ATXN1L: variants seen among roughly 807,000 people sequenced by gnomAD.
ATXN1L encodes the protein ataxin-1-like.
In ATXN1L, 8 loss-of-function variants were observed where a neutral mutation model predicts 43.4. The observed-to-expected ratio is 0.18, with a 90% CI of 0.11 to 0.33. The LOEUF (loss-of-function observed/expected upper bound fraction) is 0.33, where lower values mean the gene tolerates loss of function less well. ATXN1L is among the 10% of genes least tolerant of loss of function. The pLI is 1.00. For missense variants in ATXN1L, 856 were observed against 885.4 expected, an observed-to-expected ratio of 0.97 and a Z score of 0.42; for synonymous variants, 379 against 360.6, an observed-to-expected ratio of 1.05 and a Z score of -0.58.
chr16:71,846,724 C>CGA (rs1567388556), intron 1 of ATXN1L, among the ~76,000 whole-genome samples: 1 of 152,128 alleles, frequency 6.6e-6, no homozygotes, highest in African/African-American at 2.4e-5. Flanking sequence ...GTGAGGTTCT[C>CGA]GAGAGGCGGA....
At position 71,850,319 on chromosome 16, in the gene ATXN1L, C is replaced by T. The variant is rs1288000397; in HGVS notation, c.579C>T (p.Ser193=). The T allele has an allele frequency of 1.9e-6, 3 of 1,551,740 alleles. No homozygotes were observed. The South Asian group carries it at 3.6e-5, about 18-fold the overall frequency. Residue 193 remains serine (S), a synonymous_variant, in exon 3 of 3, where the codon TCC becomes TCT. Coordinates refer to ENST00000427980, the MANE Select transcript of ATXN1L (RefSeq NM_001137675.4). The part of the protein sequence containing the change: ...EGATPPPQAP[S]PAHSFNKAPS... ...CCACTCCTCCCCCACAGGCTCCCTCCCCGGCCCACTCATTTAACAAAGCTC... is the reference window on the plus strand; with the variant it reads ...CCACTCCTCCCCCACAGGCTCCCTCTCCGGCCCACTCATTTAACAAAGCTC...
At position 71,853,771 on chromosome 16, in the gene ATXN1L, C is replaced by G. The variant is rs1010337600; in HGVS notation, c.*1961C>G. On this transcript the variant is annotated 3_prime_UTR_variant, in exon 3 of 3. Transcript: ENST00000427980. ...TTTGCTACAAGCCCTACCCTCCACT[C>G]TTTCATTCCTTGAAAGCAGTTTGCC... is the stretch of plus-strand genomic sequence containing the variant. 1 of 167,122 alleles carries G rather than the reference C, an allele frequency of 6.0e-6. No individual in the cohort carries two copies. Among genetic ancestry groups the G allele is most frequent in the Admixed American group, 6.5e-5 (1 of 15,286 alleles). The allele number at this position is 167,122 out of a possible 1,614,324, so 10.4% of individuals were successfully genotyped here.
intron 2 of ATXN1L, among the ~76,000 whole-genome samples, chr16:71,848,799 T>C (rs2142320752): frequency 6.6e-6 from 1 of 152,170 alleles, no homozygotes; most frequent in South Asian, 2.1e-4. Context: ...AGGCTTGGGA[T>C]AGCAGTAGGT....
chr16:71,847,767 A>G (rs1294184233), intron 1 of ATXN1L, among the ~76,000 whole-genome samples: 1 of 152,142 alleles, frequency 6.6e-6, no homozygotes, highest in Non-Finnish European at 1.5e-5. Flanking sequence ...ACGGAAAACC[A>G]ATGAAATTTG....
rs763389131 is a variant in ATXN1L at position 71,851,168 on chromosome 16, G to C, written c.1428G>C (p.Gln476His). The change falls in exon 3 of 3, where the codon CAG (glutamine) becomes CAC (histidine). Residue 476 changes from glutamine to histidine, a missense_variant. Gln to His is a conservative substitution (Grantham distance 24, BLOSUM62 0). Transcript: ENST00000427980. This position sits in a 1 kb window ranked among gnomAD's most constrained non-coding sequence, Gnocchi z 4.9. ...ATTTCATGAAAGGCGCCATCATCCA[G>C]CTGGCTACGGGAGAGCTGAAGCGGG... ...PSHFMKGAII[Q>H]LATGELKRVE... 36 of 1,551,540 alleles carry C rather than the reference G, an allele frequency of 2.3e-5. No individual in the cohort carries two copies. The highest frequency in any genetic ancestry group is 3.1e-5 in the Non-Finnish European group (36 of 1,146,998).
rs1049294122 is a variant in ATXN1L at position 71,855,433 on chromosome 16, C to T, written c.*3623C>T. 11 of 167,168 alleles carry T rather than the reference C, an allele frequency of 6.6e-5. No individual in the cohort carries two copies. The highest frequency in any genetic ancestry group is 1.9e-4 in the African/African-American group (8 of 41,474). 10.4% of individuals were successfully genotyped at this position (167,168 alleles called of 1,614,324 possible). A position where few individuals can be genotyped will look rare whatever the true frequency, so the allele number is the denominator to read the frequency against. On this transcript the variant is annotated 3_prime_UTR_variant, in exon 3 of 3. Coordinates refer to ENST00000427980, the MANE Select transcript of ATXN1L (RefSeq NM_001137675.4). ...CCCATGCCAGCATCCCAGTGAAGTT[C>T]GTCCAGCTCCAGTTAGGTGGATTCT...
In ATXN1L at chr16:71,850,589, A is replaced by G; in HGVS notation, c.849A>G (p.Glu283=). The G allele has an allele frequency of 6.4e-7, 1 of 1,551,704 alleles. No individual in the cohort carries two copies. Among genetic ancestry groups the G allele is most frequent in the Non-Finnish European group, 8.7e-7 (1 of 1,146,992 alleles). ...GAGAGCGAAATTTAGTAAGACGGGA[A>G]AGTGAAGCCCTTGACTCCCCCAACA... ...RPRERNLVRR[E]SEALDSPNSK... is the part of the protein sequence containing the mutation. The change falls in exon 3 of 3, where the codon GAA becomes GAG. Residue 283 remains glutamate, a synonymous_variant. Coordinates refer to ENST00000427980, the MANE Select transcript of ATXN1L (RefSeq NM_001137675.4).
chr16:71,851,434 C>G lies in ATXN1L; in HGVS notation c.1694C>G (p.Ser565Cys). The G allele has an allele frequency of 1.9e-6, 3 of 1,551,638 alleles. No homozygotes were observed. Among genetic ancestry groups the G allele is most frequent in the East Asian group, 2.4e-5 (1 of 40,918 alleles). Residue 565 changes from serine to cysteine, a missense_variant, in exon 3 of 3, where the codon TCT becomes TGT. This residue lies in a region of ATXN1L where 185 missense variants were observed against 176.8 expected (regional missense o/e 1.05). Coordinates refer to ENST00000427980, the MANE Select transcript of ATXN1L (RefSeq NM_001137675.4). The surrounding 1 kb of genome is among the most constrained non-coding windows in gnomAD (Gnocchi z 4.9). The part of the protein sequence containing the change: ...CSPGRTTQLF[S>C]LPCHRLQVGD... ...CCTGGGCGGACGACACAACTCTTCTCTCTGCCCTGCCATCGGCTACAGGTG... is the reference window on the plus strand; with the variant it reads ...CCTGGGCGGACGACACAACTCTTCTGTCTGCCCTGCCATCGGCTACAGGTG...
chr16:71,851,096 CAAG>C lies in ATXN1L; in HGVS notation c.1357_1359del (p.Lys453del), dbSNP rs1555497869. 1 of 1,551,490 alleles carries C rather than the reference CAAG, an allele frequency of 6.4e-7. No individual in the cohort carries two copies. Among genetic ancestry groups the C allele is most frequent in the Admixed American group, 2.0e-5 (1 of 50,988 alleles). On this transcript the variant is annotated inframe_deletion, in exon 3 of 3. Transcript: ENST00000427980. This position sits in a 1 kb window ranked among gnomAD's most constrained non-coding sequence, Gnocchi z 4.9. ...TGCAGGCCAGAGCCACCTTCCCAGA[CAAG>C]GAGCCAACGCCGCCCCCCATTACCT... is the stretch of plus-strand genomic sequence containing the variant.
Position 71,851,855 on chromosome 16 carries a change from C to G in ATXN1L, c.*45C>G. 7.2e-7 allele frequency: 1 copy of G among 1,379,882 alleles called. No individual in the cohort carries two copies. The highest frequency in any genetic ancestry group is 9.4e-7 in the Non-Finnish European group (1 of 1,060,864). The allele number at this position is 1,379,882 out of a possible 1,614,324, so 85.5% of individuals were successfully genotyped here. A position where few individuals can be genotyped will look rare whatever the true frequency, so the allele number is the denominator to read the frequency against. On this transcript the variant is annotated 3_prime_UTR_variant, in exon 3 of 3. Transcript: ENST00000427980. This position sits in a 1 kb window ranked among gnomAD's most constrained non-coding sequence, Gnocchi z 4.9. ...ACTGGGGCTTTACCCCAGAGCCTCG[C>G]CTCGCCGCCGTGAGCAGGCAGAGGA...
At chr16:71,848,254 C>A in intron 2 of ATXN1L, 183 bp downstream of exon 2, 5 of 301,682 alleles carry the variant, frequency 1.7e-5, no homozygotes, top group East Asian at 9.8e-5. Context: ...TGCTTTATAA[C>A]AATGGACAAA....
rs1343143778 is a variant in ATXN1L, at chr16:71,851,679, T to C, written c.1939T>C (p.Cys647Arg). The change falls in exon 3 of 3, where the codon TGC (cysteine) becomes CGC (arginine). Residue 647 changes from cysteine (C) to arginine (R), a missense_variant. Around this residue, in one of 7 missense-constraint regions of ATXN1L, gnomAD observed 185 missense variants for 176.8 expected, o/e 1.05. Coordinates refer to ENST00000427980, the MANE Select transcript of ATXN1L (RefSeq NM_001137675.4). The surrounding 1 kb of genome is among the most constrained non-coding windows in gnomAD (Gnocchi z 4.9). ...PSQPESGAQA[C>R]WPAPSFQRYS... ...CCAGCCTGAGTCCGGTGCTCAGGCC[T>C]GCTGGCCAGCCCCGAGCTTCCAAAG... is the stretch of plus-strand genomic sequence containing the variant. 5 of 1,505,488 alleles carry C rather than the reference T, an allele frequency of 3.3e-6. No individual in the cohort carries two copies. Among genetic ancestry groups the C allele is most frequent in the Admixed American group, 4.5e-5 (2 of 44,208 alleles). The allele number at this position is 1,505,488 out of a possible 1,614,324, so 93.3% of individuals were successfully genotyped here. A position where few individuals can be genotyped will look rare whatever the true frequency, so the allele number is the denominator to read the frequency against.
Position 71,852,014 on chromosome 16 carries a change from G to A in ATXN1L, c.*204G>A, listed in dbSNP as rs562867816. ...CATCCTTTCAGGACAACCCCAGAGG[G>A]TGTTGTGATGGGGAGCAGCAGGCCT... is the stretch of plus-strand genomic sequence containing the variant. On this transcript the variant is annotated 3_prime_UTR_variant, in exon 3 of 3. Coordinates refer to ENST00000427980, the MANE Select transcript of ATXN1L (RefSeq NM_001137675.4). 21 of 487,272 alleles carry A rather than the reference G, an allele frequency of 4.3e-5. No homozygotes were observed. Among genetic ancestry groups the A allele is most frequent in the African/African-American group, 4.2e-4 (21 of 50,242 alleles). The allele number at this position is 487,272 out of a possible 1,614,324, so 30.2% of individuals were successfully genotyped here. A position where few individuals can be genotyped will look rare whatever the true frequency, so the allele number is the denominator to read the frequency against.
At chr16:71,848,898 C>G (rs1597109903) in intron 2 of ATXN1L, among the ~76,000 whole-genome samples, 2 of 152,078 alleles carry the variant, frequency 1.3e-5, no homozygotes, top group South Asian at 4.2e-4. Flanking sequence ...TGTTTGGTAG[C>G]AAAAGGAGAA....
Position 71,856,000 on chromosome 16 carries a change from A to C in ATXN1L, c.*4190A>C, listed in dbSNP as rs2033547687. 6.0e-6 allele frequency: 1 copy of C among 167,076 alleles called. No homozygotes were observed. Among genetic ancestry groups the C allele is most frequent in the Non-Finnish European group, 1.5e-5 (1 of 68,112 alleles). 10.3% of individuals were successfully genotyped at this position (167,076 alleles called of 1,614,324 possible). A position where few individuals can be genotyped will look rare whatever the true frequency, so the allele number is the denominator to read the frequency against. On this transcript the variant is annotated 3_prime_UTR_variant, in exon 3 of 3. Transcript: ENST00000427980. The stretch of plus-strand genomic sequence containing the variant: ...AAGCATCTGGGTCTTTGCAGCTGTC[A>C]GTTGCTCTTTCAACTCTAGGATCCA...
chr16:71,850,873 G>A lies in ATXN1L; in HGVS notation c.1133G>A (p.Gly378Glu), dbSNP rs1339493748. The A allele has an allele frequency of 6.4e-7, 1 of 1,551,706 alleles. No homozygotes were observed. Among genetic ancestry groups the A allele is most frequent in the South Asian group, 1.2e-5 (1 of 84,058 alleles). The change falls in exon 3 of 3, where the codon GGG becomes GAG. Residue 378 changes from glycine (G) to glutamate (E), a missense_variant. This residue lies in a region of ATXN1L where 490 missense variants were observed against 449.4 expected (regional missense o/e 1.09). Transcript: ENST00000427980. ...HTPDHQGEGR[G>E]SARNPAELAE... Reference sequence around the variant, plus strand: ...CCCGACCATCAGGGTGAGGGGCGAGGGTCAGCCAGGAACCCTGCAGAGCTG... The same window carrying A: ...CCCGACCATCAGGGTGAGGGGCGAGAGTCAGCCAGGAACCCTGCAGAGCTG...
Position 71,851,762 on chromosome 16 carries a change from A to G in ATXN1L, c.2022A>G (p.Pro674=). The change falls in exon 3 of 3, where the codon CCA becomes CCG. Residue 674 remains proline (P), a synonymous_variant. Transcript: ENST00000427980. The surrounding 1 kb of genome is among the most constrained non-coding windows in gnomAD (Gnocchi z 4.9). ...CGCTGCTCCGTCCCTCTTTCATTCC[A>G]CAGGAGGTAAAGCTGTCCATTGAAG... The part of the protein sequence containing the change: ...RAALLRPSFI[P]QEVKLSIEGR... The G allele has an allele frequency of 6.9e-7, 1 of 1,448,478 alleles. No individual in the cohort carries two copies. The highest frequency in any genetic ancestry group is 2.8e-5 in the Admixed American group (1 of 35,136). 89.7% of individuals were successfully genotyped at this position (1,448,478 alleles called of 1,614,324 possible).
At position 71,850,570 on chromosome 16, in the gene ATXN1L, G is replaced by A. The variant is rs746422084; in HGVS notation, c.830G>A (p.Arg277Gln). 4.0e-5 allele frequency: 62 copies of A among 1,551,630 alleles called. No individual in the cohort carries two copies. The highest frequency in any genetic ancestry group is 1.2e-4 in the Admixed American group (6 of 50,978). Reference sequence around the variant, plus strand: ...AATGGAGGACAGAGACCACGAGAGCGAAATTTAGTAAGACGGGAAAGTGAA... The same window carrying A: ...AATGGAGGACAGAGACCACGAGAGCAAAATTTAGTAAGACGGGAAAGTGAA... ...AANGGQRPRE[R>Q]NLVRRESEAL... Residue 277 changes from arginine (R) to glutamine (Q), a missense_variant, in exon 3 of 3, where the codon CGA becomes CAA. Arg to Gln is a conservative substitution (Grantham distance 43). Around this residue, in one of 7 missense-constraint regions of ATXN1L, gnomAD observed 490 missense variants for 449.4 expected, o/e 1.09. Coordinates refer to ENST00000427980, the MANE Select transcript of ATXN1L (RefSeq NM_001137675.4).
rs375970161 is a variant in ATXN1L at position 71,851,069 on chromosome 16, C to T, written c.1329C>T (p.Asp443=). ...GSEILVASSL[D]VQARATFPDK... The stretch of plus-strand genomic sequence containing the variant: ...AGATCCTGGTAGCATCAAGTCTGGA[C>T]GTGCAGGCCAGAGCCACCTTCCCAG... The change falls in exon 3 of 3, where the codon GAC becomes GAT. Residue 443 remains aspartate (D), a synonymous_variant. Coordinates refer to ENST00000427980, the MANE Select transcript of ATXN1L (RefSeq NM_001137675.4). The surrounding 1 kb of genome is among the most constrained non-coding windows in gnomAD (Gnocchi z 4.9). 8.1e-5 allele frequency: 126 copies of T among 1,551,648 alleles called. No homozygotes were observed. Among genetic ancestry groups the T allele is most frequent in the South Asian group, 7.3e-4 (61 of 84,060 alleles).
Sources: allele counts gnomAD v4.1 joint callset (sites outside exome capture counted in the v4.1 genomes callset), GRCh38; gene constraint gnomAD v4.1.1; regional missense constraint gnomAD v4.1.1; non-coding constraint Gnocchi (gnomAD v3.1); transcripts MANE v1.5; gene names NCBI Gene and HGNC (gene_info 2026-07-23, HGNC 2026-07-21).